Variants in C8orf34 observed in about 807,000 individuals in gnomAD.
C8orf34 encodes the protein chromosome 8 open reading frame 34.
C8orf34 carries 65 observed loss-of-function variants against 68.3 expected under a neutral mutation model. The ratio of observed to expected loss-of-function variants is 0.95; its 90% CI spans 0.78 to 1.17. The LOEUF is 1.17. Ranked by LOEUF, C8orf34 falls within the 50% of genes most tolerant of loss-of-function variation. The pLI is 0.00. For missense variants in C8orf34, 664 were observed against 655.4 expected, an observed-to-expected ratio of 1.01 and a Z score of -0.14; for synonymous variants, 244 against 241.2, an observed-to-expected ratio of 1.01 and a Z score of -0.11.
chr8:68,475,295 A>G (rs369822267), intron 4 of C8orf34, among the ~76,000 whole-genome samples: 157 of 152,228 alleles, frequency 1.0e-3, no homozygotes, highest in African/African-American at 3.5e-3. Flanking sequence ...TTGTGCTTCT[A>G]TACTTTTCTC....
intron 3 of C8orf34, among the ~76,000 whole-genome samples, chr8:68,455,704 C>G (rs1378257947): frequency 6.6e-6 from 1 of 151,964 alleles, no homozygotes; most frequent in Non-Finnish European, 1.5e-5. Context: ...CAATCAATAA[C>G]TGAATGCTAT....
chr8:68,631,773 G>A (rs1404098261), intron 7 of C8orf34, among the ~76,000 whole-genome samples: 1 of 152,110 alleles, frequency 6.6e-6, no homozygotes, highest in African/African-American at 2.4e-5. Context: ...GTGTTCGGAA[G>A]TTCCCTCTTT....
intron 12 of C8orf34, among the ~76,000 whole-genome samples, chr8:68,790,579 T>C (rs1450493442): frequency 6.6e-6 from 1 of 152,192 alleles, no homozygotes; most frequent in Non-Finnish European, 1.5e-5. Context: ...AACAATTAAA[T>C]AGGGAGCTTT....
At chr8:68,722,548 T>C (rs1821705732) in intron 10 of C8orf34, among the ~76,000 whole-genome samples, 1 of 152,130 alleles carries the variant, frequency 6.6e-6, no homozygotes, top group Non-Finnish European at 1.5e-5. Context: ...ACAAAATCAA[T>C]GTATCGTTGC....
At chr8:68,406,915 G>A (rs546812641) in intron 1 of C8orf34, among the ~76,000 whole-genome samples, 23 of 152,254 alleles carry the variant, frequency 1.5e-4, no homozygotes, top group African/African-American at 5.1e-4. Context: ...TATTACTGGT[G>A]GGGTTGTGCT....
intron 10 of C8orf34, among the ~76,000 whole-genome samples, chr8:68,738,412 AC>A (rs1342487756): frequency 6.6e-6 from 1 of 152,038 alleles, no homozygotes; most frequent in Non-Finnish European, 1.5e-5. Flanking sequence ...GAGAAAACCA[AC>A]CCCAAAGCTA....
chr8:68,797,886 G>T (rs980046406), intron 12 of C8orf34, among the ~76,000 whole-genome samples: 2 of 152,188 alleles, frequency 1.3e-5, no homozygotes, highest in Non-Finnish European at 2.9e-5. Flanking sequence ...CAGGACTTTG[G>T]TGCTTTGTTA....
At chr8:68,384,352 A>C (rs1026289499) in intron 1 of C8orf34, among the ~76,000 whole-genome samples, 1 of 152,138 alleles carries the variant, frequency 6.6e-6, no homozygotes, top group African/African-American at 2.4e-5. Context: ...TGTTTGCATC[A>C]CTTCTTGATT....
At chr8:68,546,563 ATAAT>A (rs1433078323) in intron 7 of C8orf34, among the ~76,000 whole-genome samples, 1 of 151,886 alleles carries the variant, frequency 6.6e-6, no homozygotes, top group Non-Finnish European at 1.5e-5. Context: ...ATTTCTCTAA[ATAAT>A]TCATAGAAAA....
At chr8:68,756,713 A>G (rs1311721015) in intron 10 of C8orf34, among the ~76,000 whole-genome samples, 2 of 152,202 alleles carry the variant, frequency 1.3e-5, no homozygotes, top group African/African-American at 4.8e-5. Flanking sequence ...AAGTATGTTC[A>G]TCAAAAGAAG....
chr8:68,757,947 C>T (rs1822913389), intron 10 of C8orf34, among the ~76,000 whole-genome samples: 1 of 152,164 alleles, frequency 6.6e-6, no homozygotes, highest in East Asian at 1.9e-4. Flanking sequence ...ATGTAAAGTG[C>T]TTAAAATGGC....
intron 3 of C8orf34, among the ~76,000 whole-genome samples, chr8:68,448,633 C>G (rs1212654386): frequency 1.5e-4 from 23 of 151,898 alleles, no homozygotes; most frequent in Admixed American, 1.5e-3. Context: ...AACAGGGAAA[C>G]AAAGAACAGA....
chr8:68,493,760 G>A (rs774997400), intron 5 of C8orf34, among the ~76,000 whole-genome samples: 8 of 152,142 alleles, frequency 5.3e-5, no homozygotes, highest in African/African-American at 9.7e-5. Flanking sequence ...AAGGGCTTGA[G>A]GAAACCTGTT....
Position 68,600,296 on chromosome 8 carries a change from T to C in C8orf34, c.1106-40080T>C, listed in dbSNP as rs114047469. On this transcript the variant is annotated intron_variant, in intron 7 of 13. Transcript: ENST00000518698. Reference sequence around the variant, plus strand: ...ACCTTTAAAATATAATTGCCTTAACTTAATTCCCCTTGCGGCACTGAGCAC... The same window carrying C: ...ACCTTTAAAATATAATTGCCTTAACCTAATTCCCCTTGCGGCACTGAGCAC... 3.6e-3 allele frequency among the ~76,000 whole-genome samples: 555 copies of C among 152,294 alleles called. 7 individuals are homozygous for C. Among genetic ancestry groups the C allele is most frequent in the African/African-American group, 0.013 (532 of 41,576 alleles).
At chr8:68,352,066 AG>A (rs1234227402) in intron 1 of C8orf34, among the ~76,000 whole-genome samples, 1 of 151,930 alleles carries the variant, frequency 6.6e-6, no homozygotes, top group Non-Finnish European at 1.5e-5. Context: ...TCGAGTTTTA[AG>A]GGTTCTTTGT....
chr8:68,438,190 G>A (rs2591003), intron 1 of C8orf34: 86,586 of 151,738 alleles, frequency 0.57, 25,149 homozygotes, highest in Non-Finnish European at 0.64. Flanking sequence ...AGGCCCTACA[G>A]AGAAAACTGA....
At chr8:68,359,694 G>C (rs1372822826) in intron 1 of C8orf34, among the ~76,000 whole-genome samples, 3 of 152,132 alleles carry the variant, frequency 2.0e-5, no homozygotes, top group Admixed American at 1.3e-4. Context: ...AAAACATTGA[G>C]AATTGTGGAT....
At chr8:68,421,200 A>C (rs953719937) in intron 1 of C8orf34, among the ~76,000 whole-genome samples, 2 of 152,206 alleles carry the variant, frequency 1.3e-5, no homozygotes, top group Non-Finnish European at 2.9e-5. Context: ...CCTCTATTCT[A>C]AATAAAACGA....
intron 8 of C8orf34, among the ~76,000 whole-genome samples, chr8:68,692,330 A>C (rs558291252): frequency 6.6e-6 from 1 of 152,218 alleles, no homozygotes; most frequent in Non-Finnish European, 1.5e-5. Flanking sequence ...GTATAGGGGA[A>C]AATTCATAAT....
Sources: allele counts gnomAD v4.1 joint callset (sites outside exome capture counted in the v4.1 genomes callset), GRCh38; gene constraint gnomAD v4.1.1; transcripts MANE v1.5; gene names NCBI Gene and HGNC (gene_info 2026-07-23, HGNC 2026-07-21).